The following RBFOX1 variants were observed in gnomAD, a reference collection of about 807,000 sequenced individuals.
RBFOX1 encodes RNA binding fox-1 homolog 1.
Under a neutral mutation model 57.7 loss-of-function variants are expected in RBFOX1, and 8 were observed. The observed-to-expected ratio is 0.14, with a 90% CI of 0.08 to 0.25. The LOEUF (loss-of-function observed/expected upper bound fraction) is 0.25. Ranked by LOEUF, RBFOX1 falls within the 10% of genes least tolerant of loss-of-function variation. The probability of loss-of-function intolerance (pLI) is 1.00; values close to 1 mark genes in which losing one functional copy is unlikely to be tolerated. For missense variants in RBFOX1, 611 were observed against 548.5 expected, an observed-to-expected ratio of 1.11 and a Z score of -1.14; for synonymous variants, 326 against 222.4, an observed-to-expected ratio of 1.47 and a Z score of -4.15.
chr16:5,755,856 C>T (rs2053376000), intron 3 of RBFOX1, among the ~76,000 whole-genome samples: 1 of 152,158 alleles, frequency 6.6e-6, no homozygotes, highest in African/African-American at 2.4e-5. Context: ...CCTCGGCCTC[C>T]CAAAGTGCTG....
At chr16:7,669,836 G>C (rs753543949) in intron 13 of RBFOX1, among the ~76,000 whole-genome samples, 15 of 152,146 alleles carry the variant, frequency 9.9e-5, no homozygotes, top group Non-Finnish European at 2.1e-4. Context: ...CTTTCAGTGT[G>C]AGGTGGCTGA....
chr16:7,627,987 A>G (rs1382688688), intron 10 of RBFOX1, among the ~76,000 whole-genome samples: 1 of 151,998 alleles, frequency 6.6e-6, no homozygotes, highest in Admixed American at 6.6e-5. Context: ...AATCCACAGC[A>G]TTAAAAAAAA....
intron 2 of RBFOX1, among the ~76,000 whole-genome samples, chr16:6,546,270 T>C (rs1477795156): frequency 6.6e-6 from 1 of 152,172 alleles, no homozygotes; most frequent in African/African-American, 2.4e-5. Flanking sequence ...TGTCAGACTT[T>C]GTCCCAAGTG....
intron 2 of RBFOX1, among the ~76,000 whole-genome samples, chr16:6,426,933 C>T (rs1276967104): frequency 6.6e-6 from 1 of 152,090 alleles, no homozygotes; most frequent in African/African-American, 2.4e-5. Flanking sequence ...TGTCCTGAAA[C>T]CAACTCTCCA....
At chr16:6,743,027 G>A (rs941786861) in intron 3 of RBFOX1, among the ~76,000 whole-genome samples, 3 of 152,188 alleles carry the variant, frequency 2.0e-5, no homozygotes, top group African/African-American at 7.2e-5. Flanking sequence ...TAACAAATGG[G>A]TTACCAATGT....
rs978409631 is a variant in RBFOX1, at chr16:6,672,095, C to T, written c.-16+17445C>T. 4.6e-5 allele frequency among the ~76,000 whole-genome samples: 7 copies of T among 152,162 alleles called. No individual in the cohort carries two copies. The East Asian group carries it at 7.7e-4, about 17-fold the overall frequency. ...GTTAATCACATTCGGTTTCAAAGAC[C>T]GTAGGTCCATCTCACCTAATTATAC... On this transcript the variant is annotated intron_variant, in intron 3 of 15. Transcript: ENST00000550418.
chr16:7,244,893 A>C (rs959281828), intron 4 of RBFOX1, among the ~76,000 whole-genome samples: 5 of 152,162 alleles, frequency 3.3e-5, no homozygotes, highest in African/African-American at 1.2e-4. Context: ...AAAGCTCCGT[A>C]TCCCAAGTGA....
At chr16:6,193,105 A>G (rs1207767807) in intron 1 of RBFOX1, among the ~76,000 whole-genome samples, 2 of 151,964 alleles carry the variant, frequency 1.3e-5, no homozygotes, top group Non-Finnish European at 2.9e-5. Context: ...ACTCTGTAAT[A>G]CATTTAGTGA....
intron 4 of RBFOX1, among the ~76,000 whole-genome samples, chr16:7,177,139 C>T (rs1271941590): frequency 1.3e-5 from 2 of 152,204 alleles, no homozygotes; most frequent in Non-Finnish European, 2.9e-5. Context: ...GAACACGACA[C>T]TTTGCTGACT....
chr16:7,049,602 C>A (rs989487579), intron 3 of RBFOX1, among the ~76,000 whole-genome samples: 1 of 152,136 alleles, frequency 6.6e-6, no homozygotes, highest in Non-Finnish European at 1.5e-5. Flanking sequence ...CCTTGGCTAC[C>A]TTGCACCCAC....
chr16:5,334,069 C>G (rs2064835621), intron 1 of RBFOX1, among the ~76,000 whole-genome samples: 1 of 150,722 alleles, frequency 6.6e-6, no homozygotes, highest in African/African-American at 2.5e-5. Flanking sequence ...GTCAGGAGTA[C>G]TCTTTCTTAC....
At chr16:7,337,197 A>C (rs186251126) in intron 4 of RBFOX1, among the ~76,000 whole-genome samples, 1 of 152,102 alleles carries the variant, frequency 6.6e-6, no homozygotes, top group Non-Finnish European at 1.5e-5. Context: ...TGGGATTTGG[A>C]CTGGATTTGT....
intron 4 of RBFOX1, among the ~76,000 whole-genome samples, chr16:7,498,863 A>T (rs2069631403): frequency 6.6e-6 from 1 of 152,170 alleles, no homozygotes; most frequent in African/African-American, 2.4e-5. Flanking sequence ...ATCGCATGAA[A>T]ATTGTCATGC....
intron 1 of RBFOX1, among the ~76,000 whole-genome samples, chr16:6,139,932 C>T (rs2096701932): frequency 6.6e-6 from 1 of 152,162 alleles, no homozygotes; most frequent in African/African-American, 2.4e-5. Context: ...CTCTGAAGCT[C>T]TTCAAAGATG....
chr16:6,450,754 CATATATATATGTGTATATATATATAT>C, intron 2 of RBFOX1, among the ~76,000 whole-genome samples: 1 of 58,654 alleles, frequency 1.7e-5, no homozygotes, highest in Admixed American at 2.5e-4. Flanking sequence ...TATATATATA[CATATATATATGTGTATATATATATAT>C]ATATATATAC....
At chr16:7,223,720 A>G (rs964173501) in intron 4 of RBFOX1, among the ~76,000 whole-genome samples, 3 of 151,752 alleles carry the variant, frequency 2.0e-5, no homozygotes, top group African/African-American at 7.3e-5. Flanking sequence ...CAGAAAAAAA[A>G]AAAAAAAAAA....
At chr16:5,479,473 C>T (rs898139472) in intron 2 of RBFOX1, among the ~76,000 whole-genome samples, 6 of 152,136 alleles carry the variant, frequency 3.9e-5, no homozygotes, top group Admixed American at 6.5e-5. Context: ...AATTATTTCT[C>T]CCCGGCCAGG....
At chr16:7,582,286 G>A (rs2093832217) in intron 6 of RBFOX1, among the ~76,000 whole-genome samples, 1 of 152,148 alleles carries the variant, frequency 6.6e-6, no homozygotes, top group African/African-American at 2.4e-5. Context: ...CATGCATTTA[G>A]TGCACAAACT....
At chr16:5,685,311 A>G (rs981015696) in intron 3 of RBFOX1, among the ~76,000 whole-genome samples, 1 of 152,164 alleles carries the variant, frequency 6.6e-6, no homozygotes, top group Non-Finnish European at 1.5e-5. Context: ...TACCTCTCCC[A>G]CCTGGACCTC....
Sources: gnomAD v4.1 joint callset for allele counts (sites outside exome capture counted in the v4.1 genomes callset) on GRCh38, gnomAD v4.1.1 for gene constraint, MANE v1.5 for transcripts, NCBI Gene and HGNC (gene_info 2026-07-23, HGNC 2026-07-21) for gene names.